The following TMCO6 variants were observed in gnomAD, a reference collection of about 807,000 sequenced individuals.
TMCO6 encodes the protein transmembrane and coiled-coil domains 6.
TMCO6 carries 47 observed loss-of-function variants against 61.8 expected under a neutral mutation model. The ratio of observed to expected loss-of-function variants is 0.76; its 90% CI spans 0.60 to 0.97. The LOEUF is 0.97. TMCO6 is among the 50% of genes least tolerant of loss of function. The pLI is 0.00. For synonymous variants in TMCO6, 261 were observed against 254.2 expected (o/e 1.03, Z -0.25); for missense variants, 557 against 601.6 (o/e 0.93, Z 0.78).
At chr5:140,632,217 A>C in the TMCO6 span, 1 of 1,613,432 alleles carries the variant, frequency 6.2e-7, no homozygotes, top group Non-Finnish European at 8.5e-7. The surrounding 1 kb of genome is among the most constrained non-coding windows in gnomAD (Gnocchi z 6.2). Context: ...GTTGTGGCTG[A>C]GGTCTAGGCT....
the TMCO6 span, among the ~76,000 whole-genome samples, chr5:140,613,962 G>A: frequency 2.0e-5 from 3 of 151,680 alleles, no homozygotes; most frequent in African/African-American, 2.4e-5. Context: ...GCAGTGGTGC[G>A]GTCTCGGCTC....
the TMCO6 span, among the ~76,000 whole-genome samples, chr5:140,604,116 T>C: frequency 0.5 from 76,185 of 152,120 alleles, 19,566 homozygotes; most frequent in Non-Finnish European, 0.53. Flanking sequence ...CATCTTTTCA[T>C]ATGCTTGTTA....
chr5:140,644,883 T>C (rs1230527171), intron 11 of TMCO6, 102 bp from the exon 12 acceptor site: 7 of 1,498,860 alleles, frequency 4.7e-6, no homozygotes, highest in African/African-American at 1.4e-5. Flanking sequence ...CATCCTCTTG[T>C]TGGGGAATGC....
At chr5:140,638,224 T>C (rs1756822814), upstream of TMCO6, among the ~76,000 whole-genome samples, 4 of 152,326 alleles carry the variant, frequency 2.6e-5, no homozygotes, top group Admixed American at 2.6e-4. Flanking sequence ...GGTCGGGTCA[T>C]ACAATCTGAA....
upstream of TMCO6, among the ~76,000 whole-genome samples, chr5:140,637,495 A>G (rs1029551348): frequency 1.7e-4 from 26 of 152,186 alleles, no homozygotes; most frequent in African/African-American, 6.0e-4. Context: ...CAAAAATAAA[A>G]TTCTAAGGCC....
chr5:140,632,893 C>G, the TMCO6 span: 2 of 1,614,196 alleles, frequency 1.2e-6, no homozygotes, highest in Admixed American at 1.7e-5. This position sits in a 1 kb window ranked among gnomAD's most constrained non-coding sequence, Gnocchi z 6.2. Context: ...CAGCGGAAAT[C>G]TTCATCGTCC....
At chr5:140,606,171 CT>C in the TMCO6 span, among the ~76,000 whole-genome samples, 78,274 of 131,680 alleles carry the variant, frequency 0.59, 23,508 homozygotes, top group African/African-American at 0.74. Context: ...TTTCTTTCCT[CT>C]TTTTTTTTTT....
the TMCO6 span, chr5:140,632,503 G>A: frequency 2.3e-5 from 37 of 1,614,152 alleles, no homozygotes; most frequent in Non-Finnish European, 3.1e-5. This position sits in a 1 kb window ranked among gnomAD's most constrained non-coding sequence, Gnocchi z 6.2. Context: ...AGCTCGGCGA[G>A]CCAAGAACGC....
At chr5:140,608,186 A>G in the TMCO6 span, among the ~76,000 whole-genome samples, 2 of 152,066 alleles carry the variant, frequency 1.3e-5, no homozygotes, top group African/African-American at 4.8e-5. Context: ...TCTTTGTGGC[A>G]ATGTTCAGTC....
intron 4 of TMCO6, 119 bp downstream of exon 4, chr5:140,642,172 T>C (rs1349699043): frequency 1.4e-6 from 2 of 1,436,246 alleles, no homozygotes; most frequent in East Asian, 4.6e-5. Context: ...CCTACAGCCA[T>C]GGCTACACCC....
At chr5:140,615,791 TA>T in the TMCO6 span, among the ~76,000 whole-genome samples, 2 of 152,178 alleles carry the variant, frequency 1.3e-5, no homozygotes, top group African/African-American at 4.8e-5. Context: ...AAAAATTAAC[TA>T]AAAATTGATC....
At position 140,644,102 on chromosome 5, in the gene TMCO6, A is replaced by G; in HGVS notation, c.1108A>G (p.Asn370Asp). The change falls in exon 10 of 12, where the codon AAC (asparagine) becomes GAC (aspartate). Residue 370 changes from asparagine (N) to aspartate (D), a missense_variant and splice_region_variant. Physicochemically the swap from Asn to Asp is conservative, Grantham distance 23 (BLOSUM62 1). Coordinates refer to ENST00000394671, the MANE Select transcript of TMCO6 (RefSeq NM_018502.5). ...GLWLLNNLTA[N>D]SPSFCTSLLS... ...TCACCCTGGTACTTCTCTTCCAGCA[A>G]ACAGTCCTAGTTTCTGTACCTCCTT... 2 of 1,614,190 alleles carry G rather than the reference A, an allele frequency of 1.2e-6. No individual in the cohort carries two copies. Among genetic ancestry groups the G allele is most frequent in the South Asian group, 2.2e-5 (2 of 91,084 alleles).
Position 140,639,537 on chromosome 5 carries a change from C to G in TMCO6, c.10C>G (p.Arg4Gly). The G allele has an allele frequency of 6.5e-7, 1 of 1,549,964 alleles. No individual in the cohort carries two copies. The highest frequency in any genetic ancestry group is 1.2e-5 in the South Asian group (1 of 83,954). Residue 4 changes from arginine to glycine, a missense_variant, in exon 1 of 12, where the codon CGA (arginine) becomes GGA (glycine). Transcript: ENST00000394671. The stretch of plus-strand genomic sequence containing the variant: ...CTCCTCCTGCTCCACCATGTGGAGC[C>G]GACGGCAGGGCCGCCTCAGGCCCAC... MWS[R>G]RQGRLRPTVC...
intron 7 of TMCO6, 121 bp downstream of exon 7, chr5:140,643,162 CT>C: frequency 7.1e-7 from 1 of 1,406,806 alleles, no homozygotes. Context: ...ACTGTCTTCT[CT>C]TTTTGGAGCC....
intron 2 of TMCO6, among the ~76,000 whole-genome samples, chr5:140,640,475 G>A (rs1424409245): frequency 6.7e-6 from 1 of 148,892 alleles, no homozygotes; most frequent in African/African-American, 2.5e-5. Context: ...GCATGATCTC[G>A]GCTCACTGCA....
At chr5:140,633,192 T>C in the TMCO6 span, 6 of 1,265,284 alleles carry the variant, frequency 4.7e-6, no homozygotes, top group Non-Finnish European at 4.5e-6. Flanking sequence ...TTCGGCTGCC[T>C]CTGACAGTTT....
chr5:140,636,479 A>T (rs918594102), upstream of TMCO6, among the ~76,000 whole-genome samples: 2 of 148,644 alleles, frequency 1.3e-5, no homozygotes, highest in Admixed American at 1.3e-4. Context: ...AAAAAAAAAA[A>T]TAAATAAATA....
chr5:140,641,287 T>A (rs1024313083), intron 2 of TMCO6: 1 of 172,064 alleles, frequency 5.8e-6, no homozygotes, highest in African/African-American at 2.4e-5. Flanking sequence ...AAGAAAAAGC[T>A]CATGTTAGGC....
the TMCO6 span, among the ~76,000 whole-genome samples, chr5:140,611,860 G>T: frequency 6.6e-6 from 1 of 152,158 alleles, no homozygotes; most frequent in Admixed American, 6.5e-5. Context: ...TAGCCTAAAA[G>T]ATTCAAGTCA....
Sources: gnomAD v4.1 joint callset for allele counts (sites outside exome capture counted in the v4.1 genomes callset) on GRCh38, gnomAD v4.1.1 for gene constraint, Gnocchi (gnomAD v3.1) non-coding constraint, MANE v1.5 for transcripts, NCBI Gene and HGNC (gene_info 2026-07-23, HGNC 2026-07-21) for gene names.